Variants in HELZ observed in about 807,000 individuals in gnomAD.
The protein encoded by HELZ is ATP-dependent RNA helicase with zinc finger domain.
A neutral mutation model predicts 218.2 loss-of-function variants in HELZ; 23 were observed. The ratio of observed to expected loss-of-function variants is 0.11; its 90% CI spans 0.08 to 0.15. The LOEUF (loss-of-function observed/expected upper bound fraction) is 0.15, where lower values mean the gene tolerates loss of function less well. Ranked by LOEUF, HELZ falls within the 10% of genes least tolerant of loss-of-function variation. The probability of loss-of-function intolerance (pLI) is 1.00; values close to 1 mark genes in which losing one functional copy is unlikely to be tolerated. For synonymous variants in HELZ, 814 were observed against 829.4 expected (o/e 0.98, Z 0.32); for missense variants, 1,813 against 2,353.7 (o/e 0.77, Z 4.75).
At chr17:67,209,285 G>A (rs1036530778) in intron 5 of HELZ, among the ~76,000 whole-genome samples, 59 of 152,042 alleles carry the variant, frequency 3.9e-4, no homozygotes, top group Non-Finnish European at 8.1e-4. Flanking sequence ...TAGGCTAAAG[G>A]AGATAAAAAC....
intron 31 of HELZ, among the ~76,000 whole-genome samples, chr17:67,093,198 T>C (rs1598199954): frequency 6.6e-6 from 1 of 152,174 alleles, no homozygotes; most frequent in African/African-American, 2.4e-5. Context: ...CAAGATGTTA[T>C]GAAAAAGGAA....
chr17:67,189,480 C>A, intron 11 of HELZ, 109 bp downstream of exon 11: 1 of 667,296 alleles, frequency 1.5e-6, no homozygotes, highest in Non-Finnish European at 2.7e-6. Context: ...ATATAATGTA[C>A]TTAGATTAAA....
chr17:67,087,074 GGCTCATACT>G lies in HELZ; in HGVS notation c.5242-2_5248del. 6.2e-7 allele frequency: 1 copy of G among 1,613,812 alleles called. No individual in the cohort carries two copies. Among genetic ancestry groups the G allele is most frequent in the Non-Finnish European group, 8.5e-7 (1 of 1,179,862 alleles). On this transcript the variant is annotated splice_acceptor_variant and coding_sequence_variant, in exon 32 of 33. Transcript: ENST00000358691. LOFTEE classifies it high-confidence loss of function. ...GTACAAGGGCCGACCAGGTCCTCTG[GGCTCATACT>G]ACACAAAGAAAAAGAACATTTCATA...
intron 31 of HELZ, among the ~76,000 whole-genome samples, chr17:67,100,362 G>A (rs1276129334): frequency 6.6e-6 from 1 of 152,158 alleles, no homozygotes; most frequent in African/African-American, 2.4e-5. Context: ...CTAAGATGAT[G>A]TAAGTAAATG....
At chr17:67,113,137 G>A (rs2037330128) in intron 28 of HELZ, among the ~76,000 whole-genome samples, 1 of 152,108 alleles carries the variant, frequency 6.6e-6, no homozygotes, top group East Asian at 1.9e-4. Flanking sequence ...CAAGCAATTT[G>A]CTTACTTTAG....
intron 7 of HELZ, among the ~76,000 whole-genome samples, chr17:67,195,838 C>CTTTTTTTTTTTTTTTTTTTTTTTT (rs66827855): frequency 4.9e-5 from 5 of 101,544 alleles, no homozygotes; most frequent in Non-Finnish European, 7.0e-5. Flanking sequence ...GTTTCTTTTC[C>CTTTTTTTTTTTTTTTTTTTTTTTT]TTTTTTTTTT....
At chr17:67,137,580 A>T (rs905850562) in intron 22 of HELZ, among the ~76,000 whole-genome samples, 8 of 152,200 alleles carry the variant, frequency 5.3e-5, no homozygotes, top group African/African-American at 1.7e-4. Flanking sequence ...AACTTAGAAA[A>T]GTCTATACAT....
At chr17:67,242,449 T>G (rs765708576) in intron 2 of HELZ, among the ~76,000 whole-genome samples, 2 of 150,458 alleles carry the variant, frequency 1.3e-5, no homozygotes, top group Non-Finnish European at 3.0e-5. Context: ...TATCTATCTA[T>G]ATACATAGAT....
At chr17:67,224,497 A>G (rs2040838099) in intron 3 of HELZ, 1 of 276,706 alleles carries the variant, frequency 3.6e-6, no homozygotes, top group East Asian at 8.8e-5. Flanking sequence ...GAACCAAGAC[A>G]GTCTTAATTT....
chr17:67,214,919 G>GT (rs2040556097), intron 5 of HELZ, among the ~76,000 whole-genome samples: 1 of 152,132 alleles, frequency 6.6e-6, no homozygotes, highest in African/African-American at 2.4e-5. Flanking sequence ...GCCAAGGCAG[G>GT]TGGATCCCTT....
chr17:67,161,734 A>G (rs1005107807), intron 15 of HELZ, among the ~76,000 whole-genome samples: 1 of 152,222 alleles, frequency 6.6e-6, no homozygotes, highest in African/African-American at 2.4e-5. Flanking sequence ...CAAAGTAGAG[A>G]ACACCTGTCA....
chr17:67,123,230 C>A (rs139425323), intron 25 of HELZ, 70 bp from the exon 26 acceptor site: 2 of 818,308 alleles, frequency 2.4e-6, no homozygotes, highest in East Asian at 2.8e-5. Context: ...TAATTTAAAT[C>A]ATTCAACAGC....
At chr17:67,195,611 TTTTG>T (rs2040002166) in intron 7 of HELZ, 141 bp from the exon 8 acceptor site, 2 of 565,268 alleles carry the variant, frequency 3.5e-6, no homozygotes, top group Non-Finnish European at 6.4e-6. Context: ...TGCCAATGAT[TTTTG>T]TTTTTTTCTA....
At chr17:67,125,635 G>A (rs2037771053) in intron 24 of HELZ, among the ~76,000 whole-genome samples, 1 of 152,064 alleles carries the variant, frequency 6.6e-6, no homozygotes, top group Non-Finnish European at 1.5e-5. Context: ...AGGAAACACA[G>A]CAATTTAATC....
intron 7 of HELZ, 38 bp from the exon 8 acceptor site, chr17:67,195,508 A>G (rs989604348): frequency 1.0e-5 from 12 of 1,173,480 alleles, no homozygotes; most frequent in Non-Finnish European, 1.5e-5. Flanking sequence ...TTAAACAAGA[A>G]TAACGTTGAT....
chr17:67,149,583 C>CA (rs1340554582), intron 19 of HELZ, among the ~76,000 whole-genome samples: 2 of 149,804 alleles, frequency 1.3e-5, no homozygotes, highest in Non-Finnish European at 3.0e-5. Context: ...TTTCACTTCA[C>CA]AAAAAAAAGT....
intron 15 of HELZ, 49 bp from the exon 16 acceptor site, chr17:67,161,125 T>C (rs549825894): frequency 6.5e-6 from 9 of 1,391,570 alleles, no homozygotes; most frequent in Admixed American, 5.8e-5. Flanking sequence ...CGTTAATAAA[T>C]AGAACATAAC....
rs771109578 is a variant in HELZ at position 67,188,294 on chromosome 17, C to CG, written c.1162+24dup. 35 of 1,578,170 alleles carry CG rather than the reference C, an allele frequency of 2.2e-5. No homozygotes were observed. Among genetic ancestry groups the CG allele is most frequent in the Non-Finnish European group, 3.0e-5 (35 of 1,158,044 alleles). Reference sequence around the variant, plus strand: ...AATGTTGCTTTTTAACACATTGTATCGGGGGAAAAAAGTCTAAATATTACC... The same window carrying CG: ...AATGTTGCTTTTTAACACATTGTATCGGGGGGAAAAAAGTCTAAATATTACC... On this transcript the variant is annotated intron_variant, in intron 12 of 32. Transcript: ENST00000358691. This position sits in a 1 kb window ranked among gnomAD's most constrained non-coding sequence, Gnocchi z 4.1.
chr17:67,202,221 G>A (rs935614008), intron 6 of HELZ, among the ~76,000 whole-genome samples: 25 of 150,374 alleles, frequency 1.7e-4, no homozygotes, highest in South Asian at 2.1e-4. Flanking sequence ...CTTAAGTTAC[G>A]AACTGGTTTA....
Sources: allele counts gnomAD v4.1 joint callset (sites outside exome capture counted in the v4.1 genomes callset), GRCh38; gene constraint gnomAD v4.1.1; non-coding constraint Gnocchi (gnomAD v3.1); transcripts MANE v1.5; gene names NCBI Gene and HGNC (gene_info 2026-07-23, HGNC 2026-07-21).